Variants in PPP1R12B observed in about 807,000 individuals in gnomAD.
PPP1R12B encodes myosin phosphatase target subunit 2.
PPP1R12B carries 76 observed loss-of-function variants against 126.1 expected under a neutral mutation model. The observed-to-expected ratio is 0.60, with a 90% CI of 0.50 to 0.73. The LOEUF is 0.73. Among genes scored for constraint, PPP1R12B ranks in the 30% least tolerant of loss-of-function variants. The probability of loss-of-function intolerance (pLI) is 0.00; values close to 1 mark genes in which losing one functional copy is unlikely to be tolerated. For missense variants in PPP1R12B, 1,052 were observed against 1,205.1 expected, an observed-to-expected ratio of 0.87 and a Z score of 1.88; for synonymous variants, 356 against 434.7, an observed-to-expected ratio of 0.82 and a Z score of 2.25.
chr1:202,395,132 AAAG>A (rs1221191764), intron 1 of PPP1R12B, among the ~76,000 whole-genome samples: 39 of 151,370 alleles, frequency 2.6e-4, no homozygotes, highest in African/African-American at 5.3e-4. Context: ...AAAAAAAAAA[AAAG>A]AAAGAAAATC....
At chr1:202,436,130 C>T (rs1024944472) in intron 9 of PPP1R12B, among the ~76,000 whole-genome samples, 2 of 151,946 alleles carry the variant, frequency 1.3e-5, no homozygotes, top group African/African-American at 4.8e-5. Flanking sequence ...CATGGTGGCA[C>T]ACACCTGTAG....
intron 18 of PPP1R12B, among the ~76,000 whole-genome samples, chr1:202,544,621 A>G (rs1465062933): frequency 6.6e-6 from 1 of 152,204 alleles, no homozygotes; most frequent in Non-Finnish European, 1.5e-5. Context: ...ATTTGTTATA[A>G]TAGGATTTGA....
At chr1:202,400,625 TAG>T (rs1352882834) in intron 1 of PPP1R12B, among the ~76,000 whole-genome samples, 2 of 152,210 alleles carry the variant, frequency 1.3e-5, no homozygotes, top group Non-Finnish European at 2.9e-5. Flanking sequence ...GCAGAATTGT[TAG>T]AGATTGTTAT....
chr1:202,350,949 G>A (rs1180505685), intron 1 of PPP1R12B, among the ~76,000 whole-genome samples: 2 of 151,926 alleles, frequency 1.3e-5, no homozygotes, highest in Non-Finnish European at 2.9e-5. Context: ...AGAGAAGAAG[G>A]GGATGACAGC....
chr1:202,358,059 A>G (rs1163180112), intron 1 of PPP1R12B, among the ~76,000 whole-genome samples: 2 of 152,174 alleles, frequency 1.3e-5, no homozygotes, highest in Non-Finnish European at 2.9e-5. Flanking sequence ...ATCTTCTCTA[A>G]GATGGTGAAA....
chr1:202,540,202 T>C (rs1572440788), intron 18 of PPP1R12B: 1 of 1,610,404 alleles, frequency 6.2e-7, no homozygotes, highest in Non-Finnish European at 8.5e-7. Context: ...AGTCTGATTC[T>C]CCCCCAGCAT....
chr1:202,493,014 G>T lies in PPP1R12B; in HGVS notation c.1942-100G>T, dbSNP rs1475064771. 24 of 1,285,454 alleles carry T rather than the reference G, an allele frequency of 1.9e-5. No individual in the cohort carries two copies. The East Asian group carries it at 5.6e-4, about 30-fold the overall frequency. 79.6% of individuals were successfully genotyped at this position (1,285,454 alleles called of 1,614,324 possible). ...TGCATTTTGAGGGGCTTCATTTTGG[G>T]ATTTGATAACTATTAGGTCTTTTTG... is the stretch of plus-strand genomic sequence containing the variant. On this transcript the variant is annotated intron_variant, in intron 14 of 23. Coordinates refer to ENST00000608999, the MANE Select transcript of PPP1R12B (RefSeq NM_002481.4).
At chr1:202,392,365 A>C (rs1469188638) in intron 1 of PPP1R12B, among the ~76,000 whole-genome samples, 1 of 152,200 alleles carries the variant, frequency 6.6e-6, no homozygotes, top group African/African-American at 2.4e-5. Flanking sequence ...AAGAGAAGTC[A>C]GTCACAGAAG....
chr1:202,351,581 T>A (rs978127706), intron 1 of PPP1R12B, among the ~76,000 whole-genome samples: 1 of 152,192 alleles, frequency 6.6e-6, no homozygotes, highest in Non-Finnish European at 1.5e-5. Context: ...TATTTTCAAA[T>A]GGGAGACTGG....
intron 13 of PPP1R12B, among the ~76,000 whole-genome samples, chr1:202,449,400 C>A (rs1292348136): frequency 6.6e-6 from 1 of 150,844 alleles, no homozygotes; most frequent in Non-Finnish European, 1.5e-5. Context: ...CTCAGCCTCC[C>A]AAGTAGCTGG....
At chr1:202,555,608 A>C (rs1379019008) in intron 18 of PPP1R12B, among the ~76,000 whole-genome samples, 4 of 152,032 alleles carry the variant, frequency 2.6e-5, no homozygotes, top group African/African-American at 9.7e-5. Context: ...AGGAGGAGGA[A>C]AAGGCCCAAG....
intron 1 of PPP1R12B, among the ~76,000 whole-genome samples, chr1:202,351,563 T>TAAAAGACTATTTTCA (rs1417120033): frequency 3.3e-5 from 5 of 152,164 alleles, no homozygotes; most frequent in Non-Finnish European, 7.4e-5. Context: ...CTAAGGTACA[T>TAAAAGACTATTTTCA]AAAAGACTAT....
At chr1:202,539,181 C>T (rs1399241121) in intron 18 of PPP1R12B, among the ~76,000 whole-genome samples, 2 of 152,122 alleles carry the variant, frequency 1.3e-5, no homozygotes, top group African/African-American at 2.4e-5. Flanking sequence ...TCATAGTATT[C>T]GGAGCAATCA....
intron 1 of PPP1R12B, among the ~76,000 whole-genome samples, chr1:202,403,702 T>TCAAAA (rs1460576769): frequency 6.6e-6 from 1 of 152,240 alleles, no homozygotes; most frequent in African/African-American, 2.4e-5. Flanking sequence ...AGTTTGCTGC[T>TCAAAA]CAAATATAGT....
chr1:202,354,952 A>G (rs936560114), intron 1 of PPP1R12B, among the ~76,000 whole-genome samples: 2 of 151,628 alleles, frequency 1.3e-5, no homozygotes. Context: ...CAGCCTCCCG[A>G]GTAGCTGGGA....
intron 22 of PPP1R12B, 94 bp downstream of exon 22, chr1:202,567,925 C>A: frequency 6.9e-7 from 1 of 1,450,874 alleles, no homozygotes; most frequent in South Asian, 1.2e-5. Context: ...AAAAGTCCAT[C>A]TTAAGAAGGA....
intron 1 of PPP1R12B, among the ~76,000 whole-genome samples, chr1:202,382,228 A>G (rs1662402082): frequency 7.2e-6 from 1 of 139,756 alleles, no homozygotes; most frequent in Non-Finnish European, 1.5e-5. Flanking sequence ...AACAATGAGA[A>G]CACTTGGACA....
intron 1 of PPP1R12B, among the ~76,000 whole-genome samples, chr1:202,376,918 T>C (rs1308501754): frequency 6.6e-6 from 1 of 152,224 alleles, no homozygotes; most frequent in Admixed American, 6.5e-5. Flanking sequence ...CAGCTTTGAA[T>C]GTGACCCAAC....
At chr1:202,380,600 C>A (rs992501783) in intron 1 of PPP1R12B, among the ~76,000 whole-genome samples, 1 of 149,356 alleles carries the variant, frequency 6.7e-6, no homozygotes, top group African/African-American at 2.5e-5. Context: ...ATTCTCAACA[C>A]CCCCCCCATT....
Sources: gnomAD v4.1 joint callset for allele counts (sites outside exome capture counted in the v4.1 genomes callset) on GRCh38, gnomAD v4.1.1 for gene constraint, MANE v1.5 for transcripts, NCBI Gene and HGNC (gene_info 2026-07-23, HGNC 2026-07-21) for gene names.